Variants in SLC7A7 observed in about 807,000 individuals in gnomAD.
SLC7A7 encodes solute carrier family 7 member 7, also known as Y+L amino acid transporter 1.
Under a neutral mutation model 47.9 loss-of-function variants are expected in SLC7A7, and 39 were observed. That is an observed-to-expected ratio of 0.81 (90% CI 0.63 to 1.06). The LOEUF (loss-of-function observed/expected upper bound fraction) is 1.06. Among genes scored for constraint, SLC7A7 ranks in the 50% least tolerant of loss-of-function variants. SLC7A7 has a pLI of 0.00. For synonymous variants in SLC7A7, 234 were observed against 242.8 expected, an observed-to-expected ratio of 0.96 and a Z score of 0.34; for missense variants, 588 against 632.0, an observed-to-expected ratio of 0.93 and a Z score of 0.75.
At position 22,813,246 on chromosome 14, in the gene SLC7A7, G is replaced by A. The variant is rs762189517; in HGVS notation, c.153C>T (p.Ile51=). The change falls in exon 2 of 10, where the codon ATC becomes ATT. Residue 51 remains isoleucine, a synonymous_variant. Transcript: ENST00000674313. ...TGGGGGAAACAAAGATGCCCGAGCC[G>A]ATCATGTTCCCCACAATCAGGCACA... The part of the protein sequence containing the change: ...NGVCLIVGNM[I]GSGIFVSPKG... 2.5e-5 allele frequency: 41 copies of A among 1,613,684 alleles called. No individual in the cohort carries two copies. Among genetic ancestry groups the A allele is most frequent in the Admixed American group, 8.3e-5 (5 of 59,988 alleles).
intron 2 of SLC7A7, among the ~76,000 whole-genome samples, chr14:22,792,896 A>AGAGAGAGAGAGAGAGAG (rs1277608214): frequency 6.8e-6 from 1 of 146,394 alleles, no homozygotes; most frequent in Non-Finnish European, 1.5e-5. Flanking sequence ...AGAGAGAGAG[A>AGAGAGAGAGAGAGAGAG]AAGGAAAAGA....
intron 2 of SLC7A7, among the ~76,000 whole-genome samples, chr14:22,786,283 A>C (rs886699402): frequency 6.6e-6 from 1 of 150,504 alleles, no homozygotes; most frequent in African/African-American, 2.4e-5. Context: ...ACGGCACTGC[A>C]CTCCAGCCTG....
chr14:22,809,958 G>C (rs952006205), intron 2 of SLC7A7, among the ~76,000 whole-genome samples: 1 of 146,596 alleles, frequency 6.8e-6, no homozygotes, highest in African/African-American at 2.5e-5. Context: ...AGAATCGCTG[G>C]AACTCGGGAG....
In SLC7A7 at chr14:22,813,447, G is replaced by A. The variant is rs1226598310; in HGVS notation, c.-42-7C>T. The A allele has an allele frequency of 6.2e-7, 1 of 1,600,926 alleles. No homozygotes were observed. The highest frequency in any genetic ancestry group is 1.7e-5 in the Admixed American group (1 of 59,994). On this transcript the variant is annotated splice_region_variant and splice_polypyrimidine_tract_variant and intron_variant, in intron 1 of 9. Transcript: ENST00000674313. Reference sequence around the variant, plus strand: ...CCAGCTTCCTGGCATTGCCCTTTAAGGAAGAAAGATGATGCTATAGATTAG... The same window carrying A: ...CCAGCTTCCTGGCATTGCCCTTTAAAGAAGAAAGATGATGCTATAGATTAG...
rs2038686592 is a variant in SLC7A7 at position 22,779,937 on chromosome 14, C to CT, written c.613dup (p.Arg205LysfsTer11). On this transcript the variant is annotated frameshift_variant, in exon 3 of 10. Coordinates refer to ENST00000674313, the MANE Select transcript of SLC7A7 (RefSeq NM_003982.4). LOFTEE classifies it high-confidence loss of function. ...ATATTATTTCTTACCCTGGCCAAGTCTAACAATGCCTGCAACGATGACCGC... is the reference window on the plus strand; with the variant it reads ...ATATTATTTCTTACCCTGGCCAAGTCTTAACAATGCCTGCAACGATGACCGC... 6.2e-7 allele frequency: 1 copy of CT among 1,614,124 alleles called. No homozygotes were observed. The highest frequency in any genetic ancestry group is 1.3e-5 in the African/African-American group (1 of 75,022).
rs1355820744 is a variant in SLC7A7, at chr14:22,797,695, G to A, written c.499+15205C>T. On this transcript the variant is annotated intron_variant, in intron 2 of 9. Coordinates refer to ENST00000674313, the MANE Select transcript of SLC7A7 (RefSeq NM_003982.4). ...GGGGAAGCAATATTCCTGACAGAGAGGGCAAAACGTTATTACCCTGACAAT... is the reference window on the plus strand; with the variant it reads ...GGGGAAGCAATATTCCTGACAGAGAAGGCAAAACGTTATTACCCTGACAAT... Among the ~76,000 whole-genome samples the A allele has an allele frequency of 4.6e-5, 7 of 152,218 alleles. No homozygotes were observed. In the South Asian group the frequency reaches 1.5e-3, roughly 32 times the overall value.
intron 7 of SLC7A7, among the ~76,000 whole-genome samples, chr14:22,774,930 G>A (rs1490371134): frequency 6.6e-6 from 1 of 152,056 alleles, no homozygotes; most frequent in Non-Finnish European, 1.5e-5. Flanking sequence ...TTCAGATTTT[G>A]GATATTCAGA....
At chr14:22,800,770 C>A (rs2039099247) in intron 2 of SLC7A7, among the ~76,000 whole-genome samples, 1 of 152,086 alleles carries the variant, frequency 6.6e-6, no homozygotes, top group South Asian at 2.1e-4. Flanking sequence ...GAAACCCCGT[C>A]TCTACTAAAA....
intron 2 of SLC7A7, among the ~76,000 whole-genome samples, chr14:22,788,198 T>C (rs991364552): frequency 2.6e-5 from 4 of 152,202 alleles, no homozygotes; most frequent in Non-Finnish European, 5.9e-5. Flanking sequence ...CCAAACTTTA[T>C]TTTTATCTAG....
chr14:22,818,919 A>T (rs2039441992), upstream of SLC7A7, among the ~76,000 whole-genome samples: 1 of 152,124 alleles, frequency 6.6e-6, no homozygotes, highest in Admixed American at 6.5e-5. Flanking sequence ...GAGAAACCCC[A>T]TAAGATAACA....
chr14:22,774,633 TC>T, intron 7 of SLC7A7, 130 bp from the exon 8 acceptor site: 2 of 1,180,960 alleles, frequency 1.7e-6, no homozygotes, highest in Admixed American at 3.5e-5. Context: ...CTGGTTTTAA[TC>T]CCTTTAACAC....
intron 2 of SLC7A7, among the ~76,000 whole-genome samples, chr14:22,807,360 G>T (rs1301952836): frequency 6.6e-6 from 1 of 151,226 alleles, no homozygotes; most frequent in Non-Finnish European, 1.5e-5. Flanking sequence ...GGCCACCAGA[G>T]TTCTCCTTTT....
At chr14:22,777,444 T>C (rs764783454) in intron 4 of SLC7A7, among the ~76,000 whole-genome samples, 4 of 152,168 alleles carry the variant, frequency 2.6e-5, no homozygotes, top group Non-Finnish European at 5.9e-5. Context: ...TGCCCACCCC[T>C]TCCTCAGTTT....
In SLC7A7 at chr14:22,813,251, T is replaced by C. The variant is rs1217809901; in HGVS notation, c.148A>G (p.Met50Val). Residue 50 changes from methionine (M) to valine (V), a missense_variant, in exon 2 of 10, where the codon ATG becomes GTG. Physicochemically the swap from Met to Val is conservative, Grantham distance 21. Coordinates refer to ENST00000674313, the MANE Select transcript of SLC7A7 (RefSeq NM_003982.4). ...LNGVCLIVGN[M>V]IGSGIFVSPK... ...GAAACAAAGATGCCCGAGCCGATCA[T>C]GTTCCCCACAATCAGGCACACGCCG... The C allele has an allele frequency of 6.2e-6, 10 of 1,613,782 alleles. No homozygotes were observed. In the East Asian group the frequency reaches 6.7e-5, roughly 11 times the overall value.
rs58930730 is a variant in SLC7A7, at chr14:22,812,773, C to CTATATATATATATATA, written c.499+111_499+126dup. 2.5e-3 allele frequency: 1,111 copies of CTATATATATATATATA among 439,332 alleles called. 67 individuals carry two copies. The highest frequency in any genetic ancestry group is 0.024 in the African/African-American group (936 of 39,268). 27.2% of individuals were successfully genotyped at this position (439,332 alleles called of 1,614,324 possible). On this transcript the variant is annotated intron_variant, in intron 2 of 9. Transcript: ENST00000674313. ...AATTTTCACACAAAGCATACTTTAA[C>CTATATATATATATATA]TATATATATATATATATATGTTGTC...
intron 2 of SLC7A7, among the ~76,000 whole-genome samples, chr14:22,788,257 G>A (rs944482603): frequency 1.6e-4 from 25 of 152,116 alleles, no homozygotes; most frequent in African/African-American, 6.0e-4. Context: ...GAACCTCTCC[G>A]AAATCTGCAT....
In SLC7A7 at chr14:22,778,887, C is replaced by T; in HGVS notation, c.676G>A (p.Gly226Ser). ...NSFEGSSFAV[G>S]DIALALYSAL... ...GAGTACAGTGCCAGGGCAATGTCACCCACTGCAAATGATGAACCCTCAAAG... is the reference window on the plus strand; with the variant it reads ...GAGTACAGTGCCAGGGCAATGTCACTCACTGCAAATGATGAACCCTCAAAG... The change falls in exon 4 of 10, where the codon GGT becomes AGT. Residue 226 changes from glycine (G) to serine (S), a missense_variant. By Grantham distance (56) the Gly-to-Ser change is moderately conservative (BLOSUM62 0). Transcript: ENST00000674313. The T allele has an allele frequency of 6.2e-7, 1 of 1,614,122 alleles. No individual in the cohort carries two copies.
intron 5 of SLC7A7, 36 bp from the exon 6 acceptor site, chr14:22,775,972 C>T (rs750461130): frequency 6.4e-7 from 1 of 1,553,470 alleles, no homozygotes; most frequent in South Asian, 1.1e-5. Flanking sequence ...TTAGCAGGAT[C>T]TAAAAGGGAT....
chr14:22,800,767 C>T (rs1446298112), intron 2 of SLC7A7, among the ~76,000 whole-genome samples: 3 of 151,984 alleles, frequency 2.0e-5, no homozygotes, highest in African/African-American at 4.8e-5. Context: ...GGTGAAACCC[C>T]GTCTCTACTA....
Sources: allele counts gnomAD v4.1 joint callset (sites outside exome capture counted in the v4.1 genomes callset), GRCh38; gene constraint gnomAD v4.1.1; transcripts MANE v1.5; gene names NCBI Gene and HGNC (gene_info 2026-07-23, HGNC 2026-07-21).